Variants in PHEX observed in about 807,000 individuals in gnomAD.
PHEX encodes the protein phosphate-regulating neutral endopeptidase PHEX.
A neutral mutation model predicts 68.0 loss-of-function variants in PHEX; 16 were observed. That is an observed-to-expected ratio of 0.24 (90% CI 0.16 to 0.36). The LOEUF is 0.36. PHEX is among the 10% of genes least tolerant of loss of function. PHEX has a pLI of 1.00. For synonymous variants in PHEX, 208 were observed against 205.1 expected (o/e 1.01, Z -0.12); for missense variants, 480 against 575.5 (o/e 0.83, Z 1.70).
chrX:22,209,727 C>CCTCTCT (rs1347590068), intron 15 of PHEX, among the ~76,000 whole-genome samples: 11 of 56,617 alleles, frequency 1.9e-4, no homozygotes, highest in Admixed American at 1.2e-3. Context: ...GCTCCCTCTG[C>CCTCTCT]TCCCTCTGCT....
At chrX:22,033,237 T>C (rs1358858095) in intron 1 of PHEX, 114 bp downstream of exon 1, 1 of 549,743 alleles carries the variant, frequency 1.8e-6, no homozygotes, top group East Asian at 3.3e-5. Flanking sequence ...CCTGCGTTCA[T>C]AGGTGGTGTA....
chrX:22,075,782 G>A (rs1929126351), intron 3 of PHEX, among the ~76,000 whole-genome samples: 1 of 112,064 alleles, frequency 8.9e-6, no homozygotes, highest in Non-Finnish European at 1.9e-5. Context: ...TCTCTTAGAT[G>A]TTTAGGACTT....
chrX:22,042,119 T>C (rs769350226), intron 2 of PHEX, among the ~76,000 whole-genome samples: 6 of 111,406 alleles, frequency 5.4e-5, no homozygotes, highest in Non-Finnish European at 1.1e-4. Context: ...AACAAGAGGC[T>C]GTGCGTGCGT....
intron 12 of PHEX, 141 bp from the exon 13 acceptor site, chrX:22,168,171 T>G: frequency 2.0e-6 from 1 of 508,644 alleles, no homozygotes; most frequent in Non-Finnish European, 3.6e-6. Flanking sequence ...ATCTATATAT[T>G]TTTGCCCTTC....
At chrX:22,106,100 A>G (rs1245248362) in intron 9 of PHEX, among the ~76,000 whole-genome samples, 1 of 111,244 alleles carries the variant, frequency 9.0e-6, no homozygotes, top group Non-Finnish European at 1.9e-5. Flanking sequence ...AAAGGATATT[A>G]TGTGTTATTT....
At chrX:22,205,178 C>G (rs1934671442) in intron 15 of PHEX, among the ~76,000 whole-genome samples, 1 of 112,174 alleles carries the variant, frequency 8.9e-6, no homozygotes, top group South Asian at 3.6e-4. Context: ...GTTCAATAAA[C>G]AGCTGAATGT....
At chrX:22,137,750 C>T in intron 12 of PHEX, among the ~76,000 whole-genome samples, 1 of 111,741 alleles carries the variant, frequency 8.9e-6, no homozygotes, top group South Asian at 3.8e-4. Context: ...GGTGATTCTG[C>T]TGCGTGAAAA....
At chrX:22,081,873 G>T (rs1050197137) in intron 5 of PHEX, among the ~76,000 whole-genome samples, 6 of 111,789 alleles carry the variant, frequency 5.4e-5, no homozygotes, top group African/African-American at 1.9e-4. Flanking sequence ...GGATTTAAGG[G>T]ACAATAAAAG....
intron 9 of PHEX, among the ~76,000 whole-genome samples, chrX:22,100,224 G>T (rs148658836): frequency 8.9e-6 from 1 of 111,740 alleles, no homozygotes; most frequent in African/African-American, 3.3e-5. Flanking sequence ...CATCACCTCG[G>T]GTGCTTGTTA....
chrX:22,119,877 G>GT lies in PHEX; in HGVS notation c.1302+5292dup, dbSNP rs1336645470. Among the ~76,000 whole-genome samples, 5 of 110,843 alleles carry GT rather than the reference G, an allele frequency of 4.5e-5. No individual in the cohort carries two copies. The East Asian group carries it at 1.4e-3, about 31-fold the overall frequency. ...CTCCCAAGGTGCTGGGATTATAGAC[G>GT]TGAGCCACCACGCCTGGCCTTGTTT... On this transcript the variant is annotated intron_variant, in intron 11 of 21. Transcript: ENST00000379374.
At chrX:22,239,285 G>C (rs1330238758) in intron 20 of PHEX, among the ~76,000 whole-genome samples, 1 of 111,759 alleles carries the variant, frequency 8.9e-6, no homozygotes, top group African/African-American at 3.3e-5. Context: ...GGAGAAACCA[G>C]TGCAAAAAGG....
chrX:22,115,967 A>G (rs1394684035), intron 11 of PHEX, among the ~76,000 whole-genome samples: 1 of 112,714 alleles, frequency 8.9e-6, no homozygotes, highest in Non-Finnish European at 1.9e-5. Flanking sequence ...CTTTGGATAT[A>G]TACCCAGTAG....
chrX:22,103,846 C>T (rs764480394), intron 9 of PHEX, among the ~76,000 whole-genome samples: 107 of 111,511 alleles, frequency 9.6e-4, no homozygotes, highest in African/African-American at 3.2e-3. Context: ...CTGGATCAAA[C>T]GGTAGTTCTA....
At chrX:22,037,437 G>A (rs748699517) in intron 1 of PHEX, among the ~76,000 whole-genome samples, 1 of 111,363 alleles carries the variant, frequency 9.0e-6, no homozygotes, top group South Asian at 3.8e-4. Flanking sequence ...CAGCAAGAAT[G>A]AATTCCCCAG....
intron 12 of PHEX, among the ~76,000 whole-genome samples, chrX:22,167,071 C>T (rs1168796812): frequency 2.7e-5 from 3 of 111,951 alleles, no homozygotes; most frequent in Non-Finnish European, 5.6e-5. Context: ...TAGGTTAATT[C>T]CATATCTTGG....
chrX:22,158,361 A>T (rs1933011874), intron 12 of PHEX, among the ~76,000 whole-genome samples: 1 of 112,314 alleles, frequency 8.9e-6, no homozygotes, highest in African/African-American at 3.2e-5. Context: ...AGCCACTGCA[A>T]GCTTAGGAAA....
intron 13 of PHEX, among the ~76,000 whole-genome samples, chrX:22,169,557 A>G (rs1933452836): frequency 8.9e-6 from 1 of 112,257 alleles, no homozygotes; most frequent in Non-Finnish European, 1.9e-5. Context: ...AGACTTTCAG[A>G]GCCAGGACTG....
rs775420101 is a variant in PHEX, at chrX:22,248,378, A to T, written c.*425A>T. On this transcript the variant is annotated 3_prime_UTR_variant, in exon 22 of 22. Coordinates refer to ENST00000379374, the MANE Select transcript of PHEX (RefSeq NM_000444.6). ...GCCTCTCAATGATGAAGACATGTGC[A>T]TGAATACCTGGGAGGGCTTGCTGCT... is the stretch of plus-strand genomic sequence containing the variant. 1.2e-5 allele frequency: 2 copies of T among 162,070 alleles called. No homozygotes were observed. The highest frequency in any genetic ancestry group is 1.5e-4 in the Admixed American group (2 of 13,592). The allele number at this position is 162,070 out of a possible 1,213,427, so 13.4% of individuals were successfully genotyped here.
At chrX:22,054,111 A>G (rs772894523) in intron 3 of PHEX, among the ~76,000 whole-genome samples, 19 of 111,921 alleles carry the variant, frequency 1.7e-4, no homozygotes, top group African/African-American at 4.5e-4. Flanking sequence ...TTGACTTCAT[A>G]AAGTTCTTAA....
Sources: gnomAD v4.1 joint callset for allele counts (sites outside exome capture counted in the v4.1 genomes callset) on GRCh38, gnomAD v4.1.1 for gene constraint, MANE v1.5 for transcripts, NCBI Gene and HGNC (gene_info 2026-07-23, HGNC 2026-07-21) for gene names.